NUP210L: variants seen among roughly 807,000 people sequenced by gnomAD.
NUP210L encodes nuclear pore membrane glycoprotein 210-like.
In NUP210L, 74 loss-of-function variants were observed where a neutral mutation model predicts 208.5. The observed-to-expected ratio is 0.35, with a 90% confidence interval of 0.29 to 0.43. NUP210L has a LOEUF of 0.43. Ranked by LOEUF, NUP210L falls within the 20% of genes least tolerant of loss-of-function variation. The pLI, the probability that NUP210L is intolerant of heterozygous loss-of-function variation, is 1.00. For missense variants in NUP210L, 1,843 were observed against 2,289.4 expected, an observed-to-expected ratio of 0.81 and a Z score of 3.98; for synonymous variants, 780 against 816.9, an observed-to-expected ratio of 0.95 and a Z score of 0.77.
chr1:154,093,487 A>G (rs1247636730), intron 15 of NUP210L, among the ~76,000 whole-genome samples: 1 of 152,228 alleles, frequency 6.6e-6, no homozygotes, highest in East Asian at 1.9e-4. Context: ...ATAAGTAATT[A>G]GCCCTGAAAT....
chr1:154,066,030 G>A (rs1480882304), intron 17 of NUP210L, among the ~76,000 whole-genome samples: 1 of 151,842 alleles, frequency 6.6e-6, no homozygotes, highest in African/African-American at 2.4e-5. Flanking sequence ...TGACTACCGG[G>A]TAAACAACGA....
intron 10 of NUP210L, among the ~76,000 whole-genome samples, chr1:154,123,453 A>G (rs1034380114): frequency 6.6e-6 from 1 of 152,028 alleles, no homozygotes; most frequent in Admixed American, 6.6e-5. Flanking sequence ...CTGGATTTGC[A>G]TTTTCTTAAT....
At chr1:154,149,000 C>G (rs2500222) in intron 2 of NUP210L, among the ~76,000 whole-genome samples, 145,118 of 152,064 alleles carry the variant, frequency 0.95, 69,649 homozygotes, top group East Asian at 1. Context: ...ATGGCAAACA[C>G]AAGCAGCTGT....
At chr1:154,096,140 T>C (rs1656170202) in intron 14 of NUP210L, among the ~76,000 whole-genome samples, 8 of 152,150 alleles carry the variant, frequency 5.3e-5, no homozygotes, top group Admixed American at 4.6e-4. Context: ...TTCCCCTCCC[T>C]GTGTCCATGT....
intron 7 of NUP210L, among the ~76,000 whole-genome samples, chr1:154,134,734 CA>C (rs67813355): frequency 0.13 from 8,473 of 66,936 alleles, 414 homozygotes; most frequent in East Asian, 0.44. Flanking sequence ...GACTCCGTCT[CA>C]AAAAAAAAAA....
intron 16 of NUP210L, among the ~76,000 whole-genome samples, chr1:154,076,663 C>G (rs192067993): frequency 9.9e-5 from 15 of 151,928 alleles, no homozygotes; most frequent in Admixed American, 8.5e-4. Context: ...CTGAGATTAT[C>G]CAGTCTGATG....
At chr1:154,100,903 T>C (rs555287605) in intron 13 of NUP210L, among the ~76,000 whole-genome samples, 12 of 152,036 alleles carry the variant, frequency 7.9e-5, no homozygotes, top group Non-Finnish European at 1.8e-4. Flanking sequence ...CCAGGCACAG[T>C]GGCTCATGCC....
chr1:154,028,817 G>A (rs1036070415), intron 28 of NUP210L, among the ~76,000 whole-genome samples: 29 of 151,880 alleles, frequency 1.9e-4, no homozygotes, highest in Non-Finnish European at 3.4e-4. Flanking sequence ...AAAAGCAGCC[G>A]GGCGTGGTAG....
chr1:154,131,564 A>G (rs1416282433), intron 7 of NUP210L, among the ~76,000 whole-genome samples: 3 of 151,708 alleles, frequency 2.0e-5, no homozygotes, highest in Non-Finnish European at 2.9e-5. Flanking sequence ...AGTTTTTCCA[A>G]TCTTAAAAAA....
In NUP210L at chr1:154,025,709, C is replaced by T. The variant is rs748059353; in HGVS notation, c.3955G>A (p.Ala1319Thr). ...AGAACACGAGAACTCACGAAGGCAGCTCCTTCCCTAGGGAACAAGGAAAGG... is the reference window on the plus strand; with the variant it reads ...AGAACACGAGAACTCACGAAGGCAGTTCCTTCCCTAGGGAACAAGGAAAGG... Residue 1319 changes from alanine to threonine, a missense_variant, in exon 30 of 40, where the codon GCT becomes ACT. By Grantham distance (58) the Ala-to-Thr change is moderately conservative. Transcript: ENST00000368559. 4 of 1,612,088 alleles carry T rather than the reference C, an allele frequency of 2.5e-6. No individual in the cohort carries two copies. The South Asian group carries it at 4.4e-5, about 18-fold the overall frequency.
intron 35 of NUP210L, among the ~76,000 whole-genome samples, chr1:154,007,531 G>A (rs915344237): frequency 1.3e-5 from 2 of 151,934 alleles, no homozygotes; most frequent in Non-Finnish European, 2.9e-5. Flanking sequence ...CAAAGTGCTG[G>A]GATTACAGGC....
intron 33 of NUP210L, 93 bp from the exon 34 acceptor site, chr1:154,012,463 ATC>A (rs2147910690): frequency 8.1e-7 from 1 of 1,237,712 alleles, no homozygotes; most frequent in African/African-American, 1.5e-5. Context: ...AACCAAAAGT[ATC>A]TGTTTCACAC....
At chr1:154,146,066 A>G (rs992046768) in intron 2 of NUP210L, among the ~76,000 whole-genome samples, 4 of 152,154 alleles carry the variant, frequency 2.6e-5, no homozygotes, top group Non-Finnish European at 4.4e-5. Context: ...ATAAAGAACC[A>G]GGACTCCTTG....
chr1:154,140,074 G>A, intron 4 of NUP210L, 122 bp from the exon 5 acceptor site: 1 of 773,804 alleles, frequency 1.3e-6, no homozygotes, highest in Non-Finnish European at 2.1e-6. Flanking sequence ...CTTTTGACTG[G>A]GCATGGTAGC....
At chr1:154,044,415 A>AAAAAAAG (rs1312717623) in intron 27 of NUP210L, among the ~76,000 whole-genome samples, 9 of 151,722 alleles carry the variant, frequency 5.9e-5, no homozygotes, top group African/African-American at 1.9e-4. Flanking sequence ...CTCAAAAAAA[A>AAAAAAAG]AAAAAGAAAA....
At chr1:154,139,706 G>A in intron 5 of NUP210L, 96 bp downstream of exon 5, 2 of 838,498 alleles carry the variant, frequency 2.4e-6, no homozygotes, top group Non-Finnish European at 3.7e-6. Flanking sequence ...AAAAAAAACA[G>A]GGCGGGTAGT....
intron 30 of NUP210L, among the ~76,000 whole-genome samples, chr1:154,024,922 GTTTTTTTTTTTTTTTT>G (rs71096508): frequency 1.2e-5 from 1 of 83,686 alleles, no homozygotes; most frequent in Admixed American, 1.4e-4. Context: ...AGGCTGATCT[GTTTTTTTTTTTTTTTT>G]TTTTTTTTTG....
intron 32 of NUP210L, among the ~76,000 whole-genome samples, chr1:154,021,184 G>T (rs931193046): frequency 6.6e-6 from 1 of 151,180 alleles, no homozygotes; most frequent in Non-Finnish European, 1.5e-5. Context: ...TCGTGATCCC[G>T]CCACCTCAGC....
At chr1:154,140,345 C>T (rs1282306733) in intron 4 of NUP210L, among the ~76,000 whole-genome samples, 26 of 132,792 alleles carry the variant, frequency 2.0e-4, no homozygotes, top group African/African-American at 7.0e-4. Context: ...AGCAAGACTC[C>T]GTCTCAAAAA....
Sources: allele counts gnomAD v4.1 joint callset (sites outside exome capture counted in the v4.1 genomes callset), GRCh38; gene constraint gnomAD v4.1.1; transcripts MANE v1.5; gene names NCBI Gene and HGNC (gene_info 2026-07-23, HGNC 2026-07-21).